Variants in SARDH observed in about 807,000 individuals in gnomAD.
SARDH encodes the protein sarcosine dehydrogenase, mitochondrial.
In SARDH, 95 loss-of-function variants were observed where a neutral mutation model predicts 109.1. The observed-to-expected ratio is 0.87, with a 90% CI of 0.74 to 1.03. SARDH has a LOEUF of 1.03. Ranked by LOEUF, SARDH falls within the 50% of genes least tolerant of loss-of-function variation. The pLI, the probability that SARDH is intolerant of heterozygous loss-of-function variation, is 0.00. For synonymous variants in SARDH, 572 were observed against 534.8 expected, an observed-to-expected ratio of 1.07 and a Z score of -0.96; for missense variants, 1,267 against 1,287.8, an observed-to-expected ratio of 0.98 and a Z score of 0.25.
In SARDH at chr9:133,666,743, C is replaced by G. The variant is rs760438211; in HGVS notation, c.2623G>C (p.Gly875Arg). 6.3e-7 allele frequency: 1 copy of G among 1,592,032 alleles called. No individual in the cohort carries two copies. Among genetic ancestry groups the G allele is most frequent in the South Asian group, 1.1e-5 (1 of 87,640 alleles). ...IAYGYIHDPSGGPVSLDFVKS... is the reference protein window; with the variant it reads ...IAYGYIHDPSRGPVSLDFVKS... ...CAGAGAAGGGGACTCACCGGCCCAC[C>G]GCTGGGGTCATGGATGTAACCGTAG... is the stretch of plus-strand genomic sequence containing the variant. Residue 875 changes from glycine (G) to arginine (R), a missense_variant, in exon 20 of 21, where the codon GGT becomes CGT. Transcript: ENST00000439388. The surrounding 1 kb of genome is among the most constrained non-coding windows in gnomAD (Gnocchi z 5.2).
chr9:133,683,715 G>A (rs1830780419), intron 17 of SARDH, among the ~76,000 whole-genome samples: 1 of 152,206 alleles, frequency 6.6e-6, no homozygotes, highest in Non-Finnish European at 1.5e-5. Flanking sequence ...CTCCCTGACA[G>A]TCATCGCCAG....
intron 17 of SARDH, among the ~76,000 whole-genome samples, chr9:133,681,930 C>CA (rs2078082192): frequency 6.6e-6 from 1 of 152,038 alleles, no homozygotes; most frequent in Non-Finnish European, 1.5e-5. Context: ...ATCCCACACG[C>CA]AGGGACCCCA....
intron 17 of SARDH, among the ~76,000 whole-genome samples, chr9:133,677,452 G>C (rs561402294): frequency 2.2e-4 from 33 of 152,280 alleles, no homozygotes; most frequent in African/African-American, 3.4e-4. Context: ...GGCCAGGTGG[G>C]GGTCAAGCTG....
At chr9:133,708,193 G>A in intron 11 of SARDH, 94 bp downstream of exon 11, 2 of 1,441,492 alleles carry the variant, frequency 1.4e-6, no homozygotes, top group Non-Finnish European at 1.9e-6. Flanking sequence ...CTGACCTGCG[G>A]TTGGGGTACA....
At chr9:133,732,623 A>G in intron 2 of SARDH, 22 bp from the exon 3 acceptor site, 4 of 1,585,706 alleles carry the variant, frequency 2.5e-6, no homozygotes, top group Non-Finnish European at 2.6e-6. Context: ...GGTGGGTGCC[A>G]TCACTCCCCA....
At position 133,728,307 on chromosome 9, in the gene SARDH, C is replaced by T. The variant is rs1000880707; in HGVS notation, c.915+1458G>A. Reference sequence around the variant, plus strand: ...GAAGCAGCCAAGCCTGGTACCTCCCCGGTGACCATAGGGAAGCCAGGCTGG... The same window carrying T: ...GAAGCAGCCAAGCCTGGTACCTCCCTGGTGACCATAGGGAAGCCAGGCTGG... On this transcript the variant is annotated intron_variant, in intron 6 of 20. Coordinates refer to ENST00000439388, the MANE Select transcript of SARDH (RefSeq NM_001134707.2). The surrounding 1 kb of genome is among the most constrained non-coding windows in gnomAD (Gnocchi z 5.0). Among the ~76,000 whole-genome samples the T allele has an allele frequency of 6.6e-6, 1 of 152,162 alleles. No individual in the cohort carries two copies. Among genetic ancestry groups the T allele is most frequent in the Non-Finnish European group, 1.5e-5 (1 of 68,014 alleles).
At chr9:133,676,194 G>A (rs997223981) in intron 17 of SARDH, among the ~76,000 whole-genome samples, 7 of 152,068 alleles carry the variant, frequency 4.6e-5, no homozygotes, top group East Asian at 1.9e-4. Flanking sequence ...AAGGAACTTC[G>A]GATGCATAAC....
intron 6 of SARDH, 41 bp from the exon 7 acceptor site, chr9:133,719,083 G>T: frequency 6.4e-7 from 1 of 1,564,938 alleles, no homozygotes; most frequent in South Asian, 1.1e-5. Flanking sequence ...ATCCAGAACT[G>T]GGTGGGGACT....
At chr9:133,680,546 G>C (rs527372991) in intron 17 of SARDH, among the ~76,000 whole-genome samples, 1 of 152,220 alleles carries the variant, frequency 6.6e-6, no homozygotes, top group African/African-American at 2.4e-5. Flanking sequence ...GACACTAAGG[G>C]CCCAGAACCT....
At chr9:133,687,997 GC>G (rs936257775) in intron 16 of SARDH, among the ~76,000 whole-genome samples, 1 of 152,006 alleles carries the variant, frequency 6.6e-6, no homozygotes, top group African/African-American at 2.4e-5. Context: ...CGCACCGGCC[GC>G]CCCCGGGCCG....
Position 133,704,293 on chromosome 9 carries a change from G to A in SARDH, c.1554+655C>T, listed in dbSNP as rs1000816396. 3.3e-5 allele frequency among the ~76,000 whole-genome samples: 5 copies of A among 152,134 alleles called. No individual in the cohort carries two copies. Among genetic ancestry groups the A allele is most frequent in the African/African-American group, 7.2e-5 (3 of 41,426 alleles). On this transcript the variant is annotated intron_variant, in intron 12 of 20. Transcript: ENST00000439388. This position sits in a 1 kb window ranked among gnomAD's most constrained non-coding sequence, Gnocchi z 4.5. ...GAGGGGACTGGTGAGACGCAGCCCCGGGAAGGGGATTTCGATTTCTGTAAA... is the reference window on the plus strand; with the variant it reads ...GAGGGGACTGGTGAGACGCAGCCCCAGGAAGGGGATTTCGATTTCTGTAAA...
intron 17 of SARDH, among the ~76,000 whole-genome samples, chr9:133,680,747 A>T (rs1238496982): frequency 6.7e-6 from 1 of 148,704 alleles, no homozygotes; most frequent in African/African-American, 2.6e-5. Context: ...ACACACGCAG[A>T]CCTGGCCGCC....
intron 16 of SARDH, among the ~76,000 whole-genome samples, chr9:133,685,539 C>T (rs556380083): frequency 1.4e-4 from 21 of 152,212 alleles, no homozygotes; most frequent in African/African-American, 4.6e-4. Flanking sequence ...ATAGCTCTAA[C>T]GGGACTCGCG....
chr9:133,708,407 C>G lies in SARDH; in HGVS notation c.1350G>C (p.Thr450=). 3 of 1,611,020 alleles carry G rather than the reference C, an allele frequency of 1.9e-6. No individual in the cohort carries two copies. Among genetic ancestry groups the G allele is most frequent in the Non-Finnish European group, 2.5e-6 (3 of 1,179,032 alleles). ...GCTCTCGGATCCAGCGGGGGTGGTC[C>G]GTGAGCGAGTGATGGAAGCGCCTGC... ...YDIRRFHHSL[T]DHPRWIRERS... The change falls in exon 11 of 21, where the codon ACG becomes ACC. Residue 450 remains threonine, a synonymous_variant. Coordinates refer to ENST00000439388, the MANE Select transcript of SARDH (RefSeq NM_001134707.2).
At chr9:133,676,662 G>T (rs1830521878) in intron 17 of SARDH, among the ~76,000 whole-genome samples, 1 of 152,226 alleles carries the variant, frequency 6.6e-6, no homozygotes, top group Admixed American at 6.5e-5. Flanking sequence ...CGGACAGGAA[G>T]CTGCAGTCTG....
chr9:133,729,881 A>G lies in SARDH; in HGVS notation c.815-16T>C. On this transcript the variant is annotated splice_polypyrimidine_tract_variant and intron_variant, in intron 5 of 20. Coordinates refer to ENST00000439388, the MANE Select transcript of SARDH (RefSeq NM_001134707.2). ...GCCCACACTCCTGCGGGCAGAGCAC[A>G]GACAGCTCAGCTCTGCTGACACCTG... The G allele has an allele frequency of 6.2e-7, 1 of 1,610,692 alleles. No homozygotes were observed. Among genetic ancestry groups the G allele is most frequent in the Non-Finnish European group, 8.5e-7 (1 of 1,179,616 alleles).
chr9:133,703,190 C>T (rs2427993), intron 12 of SARDH, 161 bp from the exon 13 acceptor site: 580,599 of 635,544 alleles, frequency 0.91, 265,890 homozygotes, highest in East Asian at 1. Flanking sequence ...GGCAGGGGGC[C>T]CCCATGAGGT....
chr9:133,717,301 C>T (rs961085256), intron 8 of SARDH, 25 bp downstream of exon 8: 8 of 1,613,198 alleles, frequency 5.0e-6, no homozygotes, highest in Non-Finnish European at 6.8e-6. Flanking sequence ...TGGACGCCCA[C>T]CCCAGCTCCG....
Position 133,713,109 on chromosome 9 carries a change from T to C in SARDH, c.1166A>G (p.Asp389Gly), listed in dbSNP as rs2131450178. ...TVCGPESFTP[D>G]HKPLMGEAPE... Reference sequence around the variant, plus strand: ...TGCCTCCCCCATCAGGGGCTTGTGGTCGGGCGTGAAGGATTCTGAAAGAAG... The same window carrying C: ...TGCCTCCCCCATCAGGGGCTTGTGGCCGGGCGTGAAGGATTCTGAAAGAAG... Residue 389 changes from aspartate to glycine, a missense_variant, in exon 9 of 21, where the codon GAC becomes GGC. Transcript: ENST00000439388. 6.2e-7 allele frequency: 1 copy of C among 1,613,282 alleles called. No individual in the cohort carries two copies. The highest frequency in any genetic ancestry group is 1.7e-5 in the Admixed American group (1 of 59,956).
Sources: allele counts gnomAD v4.1 joint callset (sites outside exome capture counted in the v4.1 genomes callset), GRCh38; gene constraint gnomAD v4.1.1; non-coding constraint Gnocchi (gnomAD v3.1); transcripts MANE v1.5; gene names NCBI Gene and HGNC (gene_info 2026-07-23, HGNC 2026-07-21).